SLC24A1: variants seen among roughly 807,000 people sequenced by gnomAD.
SLC24A1 encodes the protein sodium/potassium/calcium exchanger 1.
SLC24A1 carries 52 observed loss-of-function variants against 88.1 expected under a neutral mutation model. The ratio of observed to expected loss-of-function variants is 0.59; its 90% CI spans 0.47 to 0.74. SLC24A1 has a LOEUF of 0.74. Among genes scored for constraint, SLC24A1 ranks in the 30% least tolerant of loss-of-function variants. The pLI is 0.00. For synonymous variants in SLC24A1, 455 were observed against 498.0 expected (o/e 0.91, Z 1.15); for missense variants, 1,173 against 1,363.3 (o/e 0.86, Z 2.20).
In SLC24A1 at chr15:65,652,626, C is replaced by T. The variant is rs369596040; in HGVS notation, c.2884-16C>T. The T allele has an allele frequency of 1.9e-5, 31 of 1,612,580 alleles. No homozygotes were observed. The highest frequency in any genetic ancestry group is 1.1e-4 in the East Asian group (5 of 44,874). The stretch of plus-strand genomic sequence containing the variant: ...CTCAGGTTTTTCACCTACTGTTGAC[C>T]GTTGCCGTTTACCAGGTTGGTGAAA... On this transcript the variant is annotated splice_polypyrimidine_tract_variant and intron_variant, in intron 8 of 9. Transcript: ENST00000261892.
chr15:65,645,775 C>T, intron 6 of SLC24A1, 72 bp downstream of exon 6: 1 of 993,008 alleles, frequency 1.0e-6, no homozygotes, highest in Non-Finnish European at 1.5e-6. Context: ...AAAATACATC[C>T]TCCCTGAAGG....
chr15:65,654,666 C>T lies in SLC24A1; in HGVS notation c.*587C>T, dbSNP rs995284056. ...ATAACAGGAATTAATGATCATTCCA[C>T]GTTTTGTAGCCCACTGCATCTGGAT... On this transcript the variant is annotated 3_prime_UTR_variant, in exon 10 of 10. Coordinates refer to ENST00000261892, the MANE Select transcript of SLC24A1 (RefSeq NM_004727.3). 61 of 1,271,756 alleles carry T rather than the reference C, an allele frequency of 4.8e-5. No homozygotes were observed. In the South Asian group the frequency reaches 6.0e-4, roughly 13 times the overall value. The allele number at this position is 1,271,756 out of a possible 1,614,324, so 78.8% of individuals were successfully genotyped here.
Position 65,655,345 on chromosome 15 carries a change from TG to T in SLC24A1, c.*1268del. The T allele has an allele frequency of 1.0e-6, 1 of 985,236 alleles. No homozygotes were observed. Among genetic ancestry groups the T allele is most frequent in the Non-Finnish European group, 1.2e-6 (1 of 829,700 alleles). 61.0% of individuals were successfully genotyped at this position (985,236 alleles called of 1,614,324 possible). On this transcript the variant is annotated 3_prime_UTR_variant, in exon 10 of 10. Transcript: ENST00000261892. ...ACTGATTTCTTCTGTGGTTTATGAA[TG>T]GATCTTAAGGTAATTACAAAAGGGA...
intron 2 of SLC24A1, among the ~76,000 whole-genome samples, chr15:65,631,723 T>C (rs2074731902): frequency 1.3e-5 from 2 of 152,218 alleles, no homozygotes; most frequent in Admixed American, 6.5e-5. Flanking sequence ...GCAAAAGTAA[T>C]TGTGGTTTTT....
At chr15:65,649,963 A>G (rs926512743) in intron 6 of SLC24A1, among the ~76,000 whole-genome samples, 1 of 152,206 alleles carries the variant, frequency 6.6e-6, no homozygotes, top group Non-Finnish European at 1.5e-5. Context: ...CAGGATAGGG[A>G]GGAGGCTCTA....
chr15:65,642,252 G>C (rs1299475191), intron 4 of SLC24A1, among the ~76,000 whole-genome samples: 2 of 152,150 alleles, frequency 1.3e-5, no homozygotes, highest in African/African-American at 4.8e-5. Flanking sequence ...CTCTTTACAG[G>C]TGTTCCAGCT....
At chr15:65,658,161 TTTG>T (rs1228601160), downstream of SLC24A1, 3 of 152,196 alleles carry the variant, frequency 2.0e-5, no homozygotes, top group African/African-American at 7.2e-5. Flanking sequence ...TACTGCTAAT[TTTG>T]TTAAGAAATA....
intron 2 of SLC24A1, among the ~76,000 whole-genome samples, chr15:65,627,575 T>C (rs1339201664): frequency 6.6e-6 from 1 of 152,138 alleles, no homozygotes; most frequent in Non-Finnish European, 1.5e-5. Context: ...GCTTAGAGCA[T>C]TACAGAATTT....
intron 3 of SLC24A1, 134 bp downstream of exon 3, chr15:65,638,315 C>G (rs957169197): frequency 3.0e-6 from 2 of 656,456 alleles, no homozygotes; most frequent in African/African-American, 1.8e-5. Flanking sequence ...GGAGCGCTGC[C>G]AGGGTGAGGC....
At chr15:65,614,630 G>A (rs62013113) in intron 2 of SLC24A1, among the ~76,000 whole-genome samples, 9,503 of 152,182 alleles carry the variant, frequency 0.062, 313 homozygotes, top group African/African-American at 0.091. Flanking sequence ...TGAGAAAACC[G>A]CAAAGCTGCT....
At chr15:65,617,741 G>A (rs2074195698), upstream of SLC24A1, among the ~76,000 whole-genome samples, 1 of 151,876 alleles carries the variant, frequency 6.6e-6, no homozygotes, top group South Asian at 2.1e-4. Flanking sequence ...CTGATTGCAA[G>A]TGTTGGCCAG....
intron 2 of SLC24A1, among the ~76,000 whole-genome samples, chr15:65,636,190 C>G (rs1382599382): frequency 6.6e-6 from 1 of 152,220 alleles, no homozygotes; most frequent in Non-Finnish European, 1.5e-5. Context: ...TGTGCTGGCT[C>G]ACACCTGTGA....
rs886051355 is a variant in SLC24A1, at chr15:65,655,301, G to C, written c.*1222G>C. ...AATGCTATTTTTGTATGCCAACCTA[G>C]ATAGGATTATAAAGCAAGACTGATT... is the stretch of plus-strand genomic sequence containing the variant. On this transcript the variant is annotated 3_prime_UTR_variant, in exon 10 of 10. Coordinates refer to ENST00000261892, the MANE Select transcript of SLC24A1 (RefSeq NM_004727.3). 4.1e-6 allele frequency: 4 copies of C among 985,456 alleles called. No individual in the cohort carries two copies. Among genetic ancestry groups the C allele is most frequent in the Non-Finnish European group, 4.8e-6 (4 of 830,054 alleles). 61.0% of individuals were successfully genotyped at this position (985,456 alleles called of 1,614,324 possible).
upstream of SLC24A1, among the ~76,000 whole-genome samples, chr15:65,617,104 C>A (rs975970427): frequency 6.6e-6 from 1 of 152,110 alleles, no homozygotes; most frequent in Non-Finnish European, 1.5e-5. Context: ...GGTACCAGTA[C>A]CATGCTGTTT....
chr15:65,624,037 G>T lies in SLC24A1; in HGVS notation c.-44G>T. ...GAATCCCAGAGTAGCCTCCATCTTA[G>T]GACAGAATGAGAGGCCTTCTGTAAC... On this transcript the variant is annotated 5_prime_UTR_variant, in exon 2 of 10. The change creates a new upstream start codon in the 5' untranslated region. Transcript: ENST00000261892. 1 of 1,497,606 alleles carries T rather than the reference G, an allele frequency of 6.7e-7. No homozygotes were observed. The highest frequency in any genetic ancestry group is 1.3e-5 in the South Asian group (1 of 74,470). The allele number at this position is 1,497,606 out of a possible 1,614,324, so 92.8% of individuals were successfully genotyped here.
At chr15:65,612,634 A>AT (rs2073997059) in intron 2 of SLC24A1, 1 of 152,266 alleles carries the variant, frequency 6.6e-6, no homozygotes, top group Non-Finnish European at 1.5e-5. Context: ...CTGCAGCCTG[A>AT]TAACTTAGTC....
chr15:65,657,631 G>A (rs1029453392), downstream of SLC24A1, among the ~76,000 whole-genome samples: 1 of 152,194 alleles, frequency 6.6e-6, no homozygotes, highest in East Asian at 1.9e-4. Flanking sequence ...GCAACAGCGA[G>A]ACTCCGTCTC....
chr15:65,642,925 T>C, intron 4 of SLC24A1: 2 of 1,049,146 alleles, frequency 1.9e-6, no homozygotes, highest in Non-Finnish European at 2.6e-6. Context: ...CCGTCTGTAT[T>C]ATGGACTAGA....
intron 4 of SLC24A1, among the ~76,000 whole-genome samples, chr15:65,640,135 C>T (rs1428400856): frequency 6.6e-6 from 1 of 152,172 alleles, no homozygotes; most frequent in Non-Finnish European, 1.5e-5. Context: ...GCCTGGGCTG[C>T]TTCTGGGGAC....
Sources: allele counts gnomAD v4.1 joint callset (sites outside exome capture counted in the v4.1 genomes callset), GRCh38; gene constraint gnomAD v4.1.1; transcripts MANE v1.5; gene names NCBI Gene and HGNC (gene_info 2026-07-23, HGNC 2026-07-21).